Variants in DUOX2 observed in about 807,000 individuals in gnomAD.
The protein encoded by DUOX2 is NADH/NADPH thyroid oxidase p138-tox.
DUOX2 carries 185 observed loss-of-function variants against 183.3 expected under a neutral mutation model. That is an observed-to-expected ratio of 1.01 (90% CI 0.90 to 1.14). The LOEUF (loss-of-function observed/expected upper bound fraction) is 1.14, where lower values mean the gene tolerates loss of function less well. DUOX2 is among the 50% of genes most tolerant of loss of function. The pLI is 0.00. For missense variants in DUOX2, 1,999 were observed against 2,022.9 expected, an observed-to-expected ratio of 0.99 and a Z score of 0.23; for synonymous variants, 788 against 812.4, an observed-to-expected ratio of 0.97 and a Z score of 0.51.
rs1894275229 is a variant in DUOX2, at chr15:45,108,148, C to G, written c.1473G>C (p.Glu491Asp). The stretch of plus-strand genomic sequence containing the variant: ...ACAGGGGTCCAGGGTCCCCATGGCT[C>G]TCCAGGAGCCCCCCAAGGAGCAGCT... The part of the protein sequence containing the change: ...QLELLLGGLL[E>D]SHGDPGPLFS... The change falls in exon 13 of 34, where the codon GAG becomes GAC. Residue 491 changes from glutamate (E) to aspartate (D), a missense_variant. This residue lies in a region of DUOX2 where 1,628 missense variants were observed against 1,608.6 expected (regional missense o/e 1.01). Transcript: ENST00000389039. The G allele has an allele frequency of 1.9e-6, 3 of 1,614,152 alleles. No individual in the cohort carries two copies. The African/African-American group carries it at 4.0e-5, about 22-fold the overall frequency.
At chr15:45,112,514 G>A (rs1263102308) in intron 4 of DUOX2, 40 bp downstream of exon 4, 1 of 1,605,558 alleles carries the variant, frequency 6.2e-7, no homozygotes, top group Admixed American at 1.7e-5. Context: ...GCTGAGCAGA[G>A]CGCCAGATCA....
chr15:45,100,442 C>A (rs199756112), intron 23 of DUOX2: 8 of 610,622 alleles, frequency 1.3e-5, no homozygotes, highest in East Asian at 1.1e-4. Flanking sequence ...GCTACTCCCC[C>A]TCCTCCTGTC....
intron 30 of DUOX2, 54 bp from the exon 31 acceptor site, chr15:45,095,649 C>T: frequency 1.1e-5 from 17 of 1,612,358 alleles, no homozygotes; most frequent in Non-Finnish European, 1.4e-5. Context: ...AGCTCTGAGA[C>T]CAGAAACGGA....
chr15:45,105,252 GC>G (rs1354618239), intron 18 of DUOX2, among the ~76,000 whole-genome samples: 1 of 152,178 alleles, frequency 6.6e-6, no homozygotes, highest in Admixed American at 6.5e-5. Context: ...AGATTGCCAG[GC>G]CCCACCCACA....
In DUOX2 at chr15:45,095,498, GC is replaced by G; in HGVS notation, c.4177del (p.Ala1393ProfsTer27). 6.2e-7 allele frequency: 1 copy of G among 1,614,092 alleles called. No homozygotes were observed. Among genetic ancestry groups the G allele is most frequent in the East Asian group, 2.2e-5 (1 of 44,886 alleles). On this transcript the variant is annotated frameshift_variant, in exon 31 of 34. Transcript: ENST00000389039. LOFTEE classifies it high-confidence loss of function. ...GAAGACCAGGTCTTTGAGGATGGAG[GC>G]AAAGGGGGTGACCCCAATGCCCCCT... ...VGGGIGVTPF[A>X]SILKDLVFKS...
At position 45,097,115 on chromosome 15, in the gene DUOX2, G is replaced by T; in HGVS notation, c.3847+123C>A. On this transcript the variant is annotated intron_variant, in intron 29 of 33. Coordinates refer to ENST00000389039, the MANE Select transcript of DUOX2 (RefSeq NM_001363711.2). ...GAACCCCCGAGAGTGGTTTTTTGTT[G>T]TTGTTGTTTTTGGAGACAGAGTCAG... The T allele has an allele frequency of 7.5e-6, 11 of 1,463,400 alleles. No individual in the cohort carries two copies. The Admixed American group carries it at 8.7e-5, about 12-fold the overall frequency. The allele number at this position is 1,463,400 out of a possible 1,614,324, so 90.7% of individuals were successfully genotyped here.
Position 45,104,413 on chromosome 15 carries a change from C to T in DUOX2, c.2335-48G>A, listed in dbSNP as rs768681600. Reference sequence around the variant, plus strand: ...GGAGGGAAAGAGAAGGAGGTGAAGCCTATGCTGGAAGCAGTTCAGTGACCC... The same window carrying T: ...GGAGGGAAAGAGAAGGAGGTGAAGCTTATGCTGGAAGCAGTTCAGTGACCC... On this transcript the variant is annotated intron_variant, in intron 18 of 33. Transcript: ENST00000389039. 4.8e-5 allele frequency: 76 copies of T among 1,592,386 alleles called. No homozygotes were observed. The African/African-American group carries it at 9.0e-4, about 19-fold the overall frequency.
chr15:45,107,265 AC>A, intron 14 of DUOX2, 79 bp downstream of exon 14: 1 of 1,556,226 alleles, frequency 6.4e-7, no homozygotes, highest in Non-Finnish European at 8.9e-7. Context: ...CCTGGACAGC[AC>A]CAAGTGATTC....
In DUOX2 at chr15:45,094,606, G is replaced by C. The variant is rs576041718; in HGVS notation, c.4481C>G (p.Pro1494Arg). 75 of 1,614,104 alleles carry C rather than the reference G, an allele frequency of 4.6e-5. No homozygotes were observed. Among genetic ancestry groups the C allele is most frequent in the Middle Eastern group, 1.7e-4 (1 of 6,060 alleles). Residue 1494 changes from proline to arginine, a missense_variant, in exon 33 of 34, where the codon CCC becomes CGC. Around this residue, in one of 3 missense-constraint regions of DUOX2, gnomAD observed 1,628 missense variants for 1,608.6 expected, o/e 1.01. Coordinates refer to ENST00000389039, the MANE Select transcript of DUOX2 (RefSeq NM_001363711.2). ...CAGGGAGTTGAAGAAGGGCTCGAAG[G>C]GGGGACGGCCAAAGTGGGTGATGGA... Reference protein sequence around the residue: ...LRSITHFGRPPFEPFFNSLQE... With the variant: ...LRSITHFGRPRFEPFFNSLQE...
intron 29 of DUOX2, among the ~76,000 whole-genome samples, chr15:45,096,856 C>G (rs916923137): frequency 1.3e-5 from 2 of 152,210 alleles, no homozygotes; most frequent in African/African-American, 4.8e-5. Flanking sequence ...ACAACCCAGA[C>G]TGGCAATCTG....
At position 45,108,094 on chromosome 15, in the gene DUOX2, T is replaced by G. The variant is rs1220089650; in HGVS notation, c.1527A>C (p.Val509=). The change falls in exon 13 of 34, where the codon GTA becomes GTC. Residue 509 remains valine, a synonymous_variant. Transcript: ENST00000389039. ...AGTAGCGGTCACCATCCCGCAGCCG[T>G]ACAAACTGGTCGAGGACAATGGCAC... ...LFSAIVLDQF[V]RLRDGDRYWF... is the part of the protein sequence containing the mutation. The G allele has an allele frequency of 3.1e-6, 5 of 1,614,018 alleles. No individual in the cohort carries two copies. Among genetic ancestry groups the G allele is most frequent in the Non-Finnish European group, 4.2e-6 (5 of 1,179,990 alleles).
chr15:45,104,126 T>A lies in DUOX2; in HGVS notation c.2560+14A>T. 1 of 1,614,094 alleles carries A rather than the reference T, an allele frequency of 6.2e-7. No homozygotes were observed. The highest frequency in any genetic ancestry group is 8.5e-7 in the Non-Finnish European group (1 of 1,179,992). On this transcript the variant is annotated intron_variant, in intron 19 of 33. Transcript: ENST00000389039. Reference sequence around the variant, plus strand: ...CTGGATTCTTGGATAGCCTGCCACCTCCCAGCCCCCTACCTTTCATGAAGA... The same window carrying A: ...CTGGATTCTTGGATAGCCTGCCACCACCCAGCCCCCTACCTTTCATGAAGA...
Position 45,095,003 on chromosome 15 carries a change from T to C in DUOX2, c.4328A>G (p.Asp1443Gly). 3 of 1,614,172 alleles carry C rather than the reference T, an allele frequency of 1.9e-6. No individual in the cohort carries two copies. In the African/African-American group the frequency reaches 4.0e-5, roughly 22 times the overall value. ...IQEVEENDHQ[D>G]LVSVHIYVTQ... is the part of the protein sequence containing the mutation. Reference sequence around the variant, plus strand: ...GACATAAATGTGCACAGACACCAGGTCCTGGTGGTCGTTCTCCTCCACCTC... The same window carrying C: ...GACATAAATGTGCACAGACACCAGGCCCTGGTGGTCGTTCTCCTCCACCTC... Residue 1443 changes from aspartate (D) to glycine (G), a missense_variant, in exon 32 of 34, where the codon GAC becomes GGC. Coordinates refer to ENST00000389039, the MANE Select transcript of DUOX2 (RefSeq NM_001363711.2).
At chr15:45,108,253 G>A (rs368503054) in intron 12 of DUOX2, 31 bp from the exon 13 acceptor site, 58 of 1,612,634 alleles carry the variant, frequency 3.6e-5, no homozygotes, top group Non-Finnish European at 4.4e-5. Context: ...AGGGGTGAGC[G>A]TATGTTTGCT....
At chr15:45,102,081 T>A in intron 20 of DUOX2, 92 bp from the exon 21 acceptor site, 1 of 1,478,388 alleles carries the variant, frequency 6.8e-7, no homozygotes, top group Middle Eastern at 2.3e-4. Flanking sequence ...TTATCTAATG[T>A]GGTTACCAGT....
In DUOX2 at chr15:45,106,565, CTCTT is replaced by C. The variant is rs1894219449; in HGVS notation, c.1904_1907del (p.Lys635ArgfsTer3). The C allele has an allele frequency of 6.2e-7, 1 of 1,614,216 alleles. No individual in the cohort carries two copies. The highest frequency in any genetic ancestry group is 8.5e-7 in the Non-Finnish European group (1 of 1,180,034). On this transcript the variant is annotated frameshift_variant, in exon 16 of 34. Coordinates refer to ENST00000389039, the MANE Select transcript of DUOX2 (RefSeq NM_001363711.2). LOFTEE classifies it high-confidence loss of function. ...CTTTGGCTGCTTCCTTCTTCACGCT[CTCTT>C]TGAGTTTCTTTTGTAGCTTCTTGTG...
At position 45,105,762 on chromosome 15, in the gene DUOX2, G is replaced by A. The variant is rs750639157; in HGVS notation, c.2215C>T (p.Arg739Cys). ...FVQQLWDFCV[R>C]WALGLHVAEM... ...GCCACATGGAGGCCCAGAGCCCAGC[G>A]CACGCAGAAGTCCCATAGCTGCTGC... The change falls in exon 18 of 34, where the codon CGC becomes TGC. Residue 739 changes from arginine (R) to cysteine (C), a missense_variant. Coordinates refer to ENST00000389039, the MANE Select transcript of DUOX2 (RefSeq NM_001363711.2). 3.5e-5 allele frequency: 56 copies of A among 1,614,216 alleles called. No homozygotes were observed. The highest frequency in any genetic ancestry group is 3.3e-4 in the South Asian group (30 of 91,078).
intron 13 of DUOX2, among the ~76,000 whole-genome samples, 181 bp downstream of exon 13, chr15:45,107,866 A>AAAAAAAAT (rs1566976445): frequency 1.3e-5 from 1 of 78,998 alleles, no homozygotes; most frequent in Non-Finnish European, 2.4e-5. Context: ...AAAAAAAAAA[A>AAAAAAAAT]AAAAAAGAAA....
chr15:45,100,326 C>A, intron 23 of DUOX2, 98 bp from the exon 24 acceptor site: 1 of 1,181,524 alleles, frequency 8.5e-7, no homozygotes, highest in Non-Finnish European at 1.2e-6. Flanking sequence ...TGGCAGGCAT[C>A]AGGATGGGCC....
Sources: allele counts gnomAD v4.1 joint callset (sites outside exome capture counted in the v4.1 genomes callset), GRCh38; gene constraint gnomAD v4.1.1; regional missense constraint gnomAD v4.1.1; transcripts MANE v1.5; gene names NCBI Gene and HGNC (gene_info 2026-07-23, HGNC 2026-07-21).